PGGT1B: variants seen among roughly 807,000 people sequenced by gnomAD.
PGGT1B encodes protein geranylgeranyltransferase type I subunit beta.
PGGT1B carries 30 observed loss-of-function variants against 46.1 expected under a neutral mutation model. That is an observed-to-expected ratio of 0.65 (90% CI 0.49 to 0.88). The LOEUF is 0.88. PGGT1B is among the 40% of genes least tolerant of loss of function. PGGT1B has a pLI of 0.00. For missense variants in PGGT1B, 376 were observed against 455.9 expected (o/e 0.82, Z 1.60); for synonymous variants, 170 against 160.0 (o/e 1.06, Z -0.47).
chr5:115,222,843 C>T (rs1157844136), intron 6 of PGGT1B, among the ~76,000 whole-genome samples: 2 of 152,112 alleles, frequency 1.3e-5, no homozygotes, highest in African/African-American at 2.4e-5. Context: ...CTGGAAACCA[C>T]CATTCTGAGC....
At chr5:115,234,507 G>A (rs1255295876) in intron 5 of PGGT1B, among the ~76,000 whole-genome samples, 1 of 151,932 alleles carries the variant, frequency 6.6e-6, no homozygotes, top group East Asian at 1.9e-4. Flanking sequence ...TAAAGTCAAC[G>A]AAGTTGTGGG....
chr5:115,253,307 T>G (rs779770906), intron 1 of PGGT1B, 52 bp from the exon 2 acceptor site: 5 of 1,396,634 alleles, frequency 3.6e-6, no homozygotes, highest in Non-Finnish European at 4.9e-6. Flanking sequence ...CACTTAAGTC[T>G]GAAGTCTTCC....
At chr5:115,228,836 T>G (rs1468082765) in intron 6 of PGGT1B, among the ~76,000 whole-genome samples, 1 of 151,992 alleles carries the variant, frequency 6.6e-6, no homozygotes, top group African/African-American at 2.4e-5. Context: ...AAATATAAGA[T>G]GAGGAATGAG....
intron 2 of PGGT1B, among the ~76,000 whole-genome samples, chr5:115,242,945 C>T (rs1344540973): frequency 6.0e-5 from 9 of 149,060 alleles, no homozygotes; most frequent in East Asian, 2.0e-4. Context: ...CCAGCCTGGG[C>T]GACAGAGTCA....
intron 2 of PGGT1B, among the ~76,000 whole-genome samples, chr5:115,246,726 G>A (rs544621074): frequency 6.6e-6 from 1 of 152,250 alleles, no homozygotes; most frequent in South Asian, 2.1e-4. Flanking sequence ...TGAGGATAGG[G>A]CCTGGAAAAT....
At chr5:115,259,166 G>A (rs1481046574) in intron 1 of PGGT1B, among the ~76,000 whole-genome samples, 1 of 152,160 alleles carries the variant, frequency 6.6e-6, no homozygotes, top group African/African-American at 2.4e-5. Context: ...AATCACTGCT[G>A]TAATAACTGC....
rs1002437156 is a variant in PGGT1B at position 115,238,028 on chromosome 5, T to G, written c.328-19A>C. The stretch of plus-strand genomic sequence containing the variant: ...CAGGAGCCTAAATACAAAATTAATA[T>G]AGTACTAATTAATGAAGTGAAATGA... On this transcript the variant is annotated intron_variant, in intron 3 of 8. Coordinates refer to ENST00000419445, the MANE Select transcript of PGGT1B (RefSeq NM_005023.4). The G allele has an allele frequency of 6.6e-7, 1 of 1,523,826 alleles. No homozygotes were observed. Among genetic ancestry groups the G allele is most frequent in the Admixed American group, 2.1e-5 (1 of 48,182 alleles). The allele number at this position is 1,523,826 out of a possible 1,614,324, so 94.4% of individuals were successfully genotyped here.
Position 115,205,820 on chromosome 5 carries a change from C to G in PGGT1B, c.*6582G>C, listed in dbSNP as rs999230712. On this transcript the variant is annotated 3_prime_UTR_variant, in exon 9 of 9. Transcript: ENST00000419445. ...AAACATCAAATTTAAATTGTGCACA[C>G]TTTTTGCCCCAGTAATTCCTTATCT... 6.6e-6 allele frequency: 1 copy of G among 151,958 alleles called. No individual in the cohort carries two copies. The highest frequency in any genetic ancestry group is 6.6e-5 in the Admixed American group (1 of 15,244). The allele number at this position is 151,958 out of a possible 1,614,324, so 9.4% of individuals were successfully genotyped here.
intron 7 of PGGT1B, among the ~76,000 whole-genome samples, 158 bp from the exon 8 acceptor site, chr5:115,217,131 A>G (rs950132933): frequency 3.3e-5 from 5 of 152,158 alleles, no homozygotes; most frequent in Admixed American, 1.3e-4. Flanking sequence ...AGTAAATCAC[A>G]TTAACTTTTT....
rs1403017691 is a variant in PGGT1B at position 115,209,698 on chromosome 5, C to T, written c.*2704G>A. The T allele has an allele frequency of 6.6e-6, 1 of 152,036 alleles. No individual in the cohort carries two copies. Among genetic ancestry groups the T allele is most frequent in the Non-Finnish European group, 1.5e-5 (1 of 67,986 alleles). The allele number at this position is 152,036 out of a possible 1,614,324, so 9.4% of individuals were successfully genotyped here. A position where few individuals can be genotyped will look rare whatever the true frequency, so the allele number is the denominator to read the frequency against. On this transcript the variant is annotated 3_prime_UTR_variant, in exon 9 of 9. Transcript: ENST00000419445. Reference sequence around the variant, plus strand: ...TTCCCTGAGGTTAAACTGTTAAGACCTCTTTCTGTTGTAGAAGAGAGGTTT... The same window carrying T: ...TTCCCTGAGGTTAAACTGTTAAGACTTCTTTCTGTTGTAGAAGAGAGGTTT...
intron 4 of PGGT1B, 139 bp downstream of exon 4, chr5:115,237,719 T>G: frequency 1.7e-6 from 1 of 578,554 alleles, no homozygotes; most frequent in South Asian, 5.2e-5. Flanking sequence ...ACTATGCACT[T>G]AATTATGTAC....
At chr5:115,215,343 G>A (rs1289818228) in intron 8 of PGGT1B, among the ~76,000 whole-genome samples, 2 of 151,914 alleles carry the variant, frequency 1.3e-5, no homozygotes, top group African/African-American at 2.4e-5. Flanking sequence ...CTGTTGCCCA[G>A]GCTGGAGTGC....
intron 4 of PGGT1B, among the ~76,000 whole-genome samples, chr5:115,237,500 C>T (rs1757219626): frequency 6.6e-6 from 1 of 152,106 alleles, no homozygotes; most frequent in Non-Finnish European, 1.5e-5. Context: ...TCCCTAATCA[C>T]CATAAAGCAA....
At chr5:115,247,196 G>A (rs1747889298) in intron 2 of PGGT1B, among the ~76,000 whole-genome samples, 1 of 152,070 alleles carries the variant, frequency 6.6e-6, no homozygotes, top group Non-Finnish European at 1.5e-5. Context: ...AGTACATTTA[G>A]ATATTCTTTA....
intron 8 of PGGT1B, 53 bp downstream of exon 8, chr5:115,216,812 G>A: frequency 1.2e-6 from 1 of 867,592 alleles, no homozygotes; most frequent in Non-Finnish European, 1.9e-6. Flanking sequence ...AAAGATGCTT[G>A]AAGATCTATT....
At chr5:115,225,231 G>C (rs1165292848) in intron 6 of PGGT1B, among the ~76,000 whole-genome samples, 1 of 152,146 alleles carries the variant, frequency 6.6e-6, no homozygotes, top group Non-Finnish European at 1.5e-5. Context: ...ATCTGAAATG[G>C]TTAAAAGTTT....
chr5:115,249,737 T>G (rs998880416), intron 2 of PGGT1B, among the ~76,000 whole-genome samples: 1 of 152,176 alleles, frequency 6.6e-6, no homozygotes, highest in African/African-American at 2.4e-5. Flanking sequence ...ACTGACATAT[T>G]GATTCTTTGA....
At chr5:115,224,743 G>A (rs529990697) in intron 6 of PGGT1B, among the ~76,000 whole-genome samples, 188 of 151,386 alleles carry the variant, frequency 1.2e-3, no homozygotes, top group African/African-American at 3.9e-3. Context: ...GCATGGTGGT[G>A]TGCACCTGTG....
At chr5:115,256,646 T>G in intron 1 of PGGT1B, among the ~76,000 whole-genome samples, 1 of 152,170 alleles carries the variant, frequency 6.6e-6, no homozygotes, top group Non-Finnish European at 1.5e-5. Context: ...TTTAAAATAG[T>G]CTGGGAAACC....
Sources: allele counts gnomAD v4.1 joint callset (sites outside exome capture counted in the v4.1 genomes callset), GRCh38; gene constraint gnomAD v4.1.1; transcripts MANE v1.5; gene names NCBI Gene and HGNC (gene_info 2026-07-23, HGNC 2026-07-21).